Variants in SHROOM4 observed in about 807,000 individuals in gnomAD.
The protein encoded by SHROOM4 is protein Shroom4.
Under a neutral mutation model 80.3 loss-of-function variants are expected in SHROOM4, and 17 were observed. That is an observed-to-expected ratio of 0.21 (90% CI 0.14 to 0.32). The LOEUF is 0.32. SHROOM4 is among the 10% of genes least tolerant of loss of function. The pLI, the probability that SHROOM4 is intolerant of heterozygous loss-of-function variation, is 1.00. For synonymous variants in SHROOM4, 400 were observed against 437.5 expected (o/e 0.91, Z 1.07); for missense variants, 993 against 1,140.3 (o/e 0.87, Z 1.86).
intron 2 of SHROOM4, among the ~76,000 whole-genome samples, chrX:50,674,240 T>C (rs1932828514): frequency 2.7e-5 from 3 of 111,068 alleles, no homozygotes; most frequent in South Asian, 3.8e-4. Flanking sequence ...ATAGACACAA[T>C]TGTTCCAGAA....
At chrX:50,620,820 G>T (rs1189042977) in intron 5 of SHROOM4, among the ~76,000 whole-genome samples, 1 of 111,355 alleles carries the variant, frequency 9.0e-6, no homozygotes. Context: ...TGTGTAAATT[G>T]CCTGTTCATT....
At chrX:50,805,660 A>G (rs1936212230) in intron 1 of SHROOM4, among the ~76,000 whole-genome samples, 1 of 111,983 alleles carries the variant, frequency 8.9e-6, no homozygotes, top group African/African-American at 3.2e-5. Context: ...TCCACAGCCT[A>G]GACCAAGTAA....
At chrX:50,743,106 AGT>A (rs56291087) in intron 1 of SHROOM4, among the ~76,000 whole-genome samples, 9,999 of 98,056 alleles carry the variant, frequency 0.1, 1,049 homozygotes, top group African/African-American at 0.3. Flanking sequence ...CCCATTCAGT[AGT>A]GTGTGTGTGT....
intron 1 of SHROOM4, among the ~76,000 whole-genome samples, chrX:50,701,905 C>G (rs1475777422): frequency 3.7e-5 from 4 of 109,361 alleles, no homozygotes; most frequent in Non-Finnish European, 7.6e-5. Context: ...TGGAGTTCAT[C>G]AAAATAAAAA....
chrX:50,668,532 C>G (rs1435504375), intron 2 of SHROOM4, among the ~76,000 whole-genome samples: 2 of 111,713 alleles, frequency 1.8e-5, no homozygotes, highest in Non-Finnish European at 3.8e-5. Flanking sequence ...TTCAGAGTCT[C>G]AAAACATAAT....
chrX:50,633,564 ATGGT>A lies in SHROOM4; in HGVS notation c.2505_2508del (p.Gln835HisfsTer31). 8.3e-7 allele frequency: 1 copy of A among 1,211,584 alleles called. No homozygotes were observed. Among genetic ancestry groups the A allele is most frequent in the Non-Finnish European group, 1.1e-6 (1 of 895,490 alleles). ...TGATATGATTGGTCTGTGGCATGAT[ATGGT>A]TGGTCTGCGGAATGATATGATTGGT... On this transcript the variant is annotated frameshift_variant, in exon 4 of 9. Coordinates refer to ENST00000376020, the MANE Select transcript of SHROOM4 (RefSeq NM_020717.5). LOFTEE classifies it high-confidence loss of function.
intron 1 of SHROOM4, among the ~76,000 whole-genome samples, chrX:50,719,621 C>T (rs1471592442): frequency 1.8e-5 from 2 of 112,193 alleles, no homozygotes; most frequent in African/African-American, 3.2e-5. Flanking sequence ...TTCTTCTCCC[C>T]GCCTAGCACA....
chrX:50,705,662 TC>T (rs1472199436), intron 1 of SHROOM4, among the ~76,000 whole-genome samples: 2 of 109,521 alleles, frequency 1.8e-5, no homozygotes, highest in South Asian at 8.1e-4. Context: ...GTGCTTTTCC[TC>T]CTCCCTCAAA....
intron 1 of SHROOM4, among the ~76,000 whole-genome samples, chrX:50,759,046 C>T (rs2147621282): frequency 8.9e-6 from 1 of 111,743 alleles, no homozygotes; most frequent in African/African-American, 3.2e-5. Flanking sequence ...TGAGTCTTCT[C>T]TTTGTCAATA....
chrX:50,580,706 T>C, the SHROOM4 span, among the ~76,000 whole-genome samples: 5 of 111,603 alleles, frequency 4.5e-5, no homozygotes, highest in African/African-American at 1.6e-4. Flanking sequence ...GGAGGATCGC[T>C]TGAGCTCAGG....
intron 2 of SHROOM4, among the ~76,000 whole-genome samples, chrX:50,650,426 C>G (rs1249341005): frequency 8.9e-6 from 1 of 112,072 alleles, no homozygotes; most frequent in Non-Finnish European, 1.9e-5. Context: ...TCTTGGCTCA[C>G]TGCAACCTCC....
chrX:50,723,179 C>T (rs1483757157), intron 1 of SHROOM4, among the ~76,000 whole-genome samples: 2 of 102,625 alleles, frequency 1.9e-5, no homozygotes, highest in Non-Finnish European at 3.9e-5. Context: ...AAAACCTGTT[C>T]TGCTAATCTT....
intron 1 of SHROOM4, among the ~76,000 whole-genome samples, chrX:50,755,930 G>T (rs1162340463): frequency 3.6e-5 from 4 of 111,573 alleles, no homozygotes; most frequent in Admixed American, 2.8e-4. Context: ...ATGTTTTGGT[G>T]GAGATGTTCT....
intron 1 of SHROOM4, among the ~76,000 whole-genome samples, chrX:50,812,670 G>T (rs781965133): frequency 9.0e-6 from 1 of 111,382 alleles, no homozygotes; most frequent in East Asian, 2.9e-4. Flanking sequence ...GGCGAATGCC[G>T]CACAGGTTAT....
Position 50,635,469 on chromosome X carries a change from A to C in SHROOM4, c.604T>G (p.Cys202Gly), listed in dbSNP as rs1557255822. 1.7e-6 allele frequency: 2 copies of C among 1,210,063 alleles called. No individual in the cohort carries two copies. Among genetic ancestry groups the C allele is most frequent in the Non-Finnish European group, 2.2e-6 (2 of 894,626 alleles). The change falls in exon 4 of 9, where the codon TGT becomes GGT. Residue 202 changes from cysteine to glycine, a missense_variant. Coordinates refer to ENST00000376020, the MANE Select transcript of SHROOM4 (RefSeq NM_020717.5). ...TCCTCTGGCCTGAGGGAAAGGGCAC[A>C]GTCAGAAGCATTTGAGCTGGCCGAG... ...SFSASSNASD[C>G]ALSLRPEEPA...
chrX:50,634,048 A>C lies in SHROOM4; in HGVS notation c.2025T>G (p.His675Gln). 8.3e-7 allele frequency: 1 copy of C among 1,211,655 alleles called. No individual in the cohort carries two copies. Among genetic ancestry groups the C allele is most frequent in the Non-Finnish European group, 1.1e-6 (1 of 895,453 alleles). ...SECLSQAPES[H>Q]ESRTGLEGRI... ...GTCCCTCTAAGCCTGTCCTAGATTC[A>C]TGGCTCTCAGGGGCTTGGCTGAGGC... Residue 675 changes from histidine to glutamine, a missense_variant, in exon 4 of 9, where the codon CAT (histidine) becomes CAG (glutamine). Coordinates refer to ENST00000376020, the MANE Select transcript of SHROOM4 (RefSeq NM_020717.5).
chrX:50,753,389 C>A (rs1209788236), intron 1 of SHROOM4, among the ~76,000 whole-genome samples: 1 of 112,064 alleles, frequency 8.9e-6, no homozygotes, highest in African/African-American at 3.2e-5. Flanking sequence ...ATTTAAAGAA[C>A]AGCTTTCTGC....
intron 2 of SHROOM4, among the ~76,000 whole-genome samples, chrX:50,669,256 T>C (rs1932765621): frequency 8.9e-6 from 1 of 111,796 alleles, no homozygotes; most frequent in Admixed American, 9.5e-5. Flanking sequence ...GATTTCTCTG[T>C]AGTATGCCAT....
At chrX:50,767,687 T>TA (rs111464757) in intron 1 of SHROOM4, among the ~76,000 whole-genome samples, 10,137 of 110,456 alleles carry the variant, frequency 0.092, 1,242 homozygotes, top group African/African-American at 0.32. Flanking sequence ...GGGGTATTGC[T>TA]AAAAAAAATG....
Sources: gnomAD v4.1 joint callset for allele counts (sites outside exome capture counted in the v4.1 genomes callset) on GRCh38, gnomAD v4.1.1 for gene constraint, MANE v1.5 for transcripts, NCBI Gene and HGNC (gene_info 2026-07-23, HGNC 2026-07-21) for gene names.